The following PPP2R2B variants were observed in gnomAD, a reference collection of about 807,000 sequenced individuals.
The protein encoded by PPP2R2B is protein phosphatase 2 regulatory subunit Bbeta, also known as serine/threonine-protein phosphatase 2A 55 kDa regulatory subunit B beta isoform.
A neutral mutation model predicts 46.0 loss-of-function variants in PPP2R2B; 5 were observed. The ratio of observed to expected loss-of-function variants is 0.11; its 90% CI spans 0.06 to 0.23. PPP2R2B has a LOEUF of 0.23. PPP2R2B is among the 10% of genes least tolerant of loss of function. The pLI is 1.00. For missense variants in PPP2R2B, 367 were observed against 575.0 expected (o/e 0.64, Z 3.70); for synonymous variants, 215 against 206.7 (o/e 1.04, Z -0.34).
intron 2 of PPP2R2B, among the ~76,000 whole-genome samples, chr5:146,711,011 T>C (rs559507467): frequency 1.4e-4 from 22 of 152,368 alleles, no homozygotes; most frequent in African/African-American, 5.3e-4. Context: ...GTGTGACTTC[T>C]TTTAAGCCCA....
intron 2 of PPP2R2B, among the ~76,000 whole-genome samples, chr5:147,078,480 G>A (rs897917643): frequency 1.3e-4 from 20 of 152,062 alleles, no homozygotes; most frequent in Admixed American, 2.6e-4. Context: ...AATTAACTGG[G>A]TAAACTCATT....
chr5:146,707,482 T>C, intron 2 of PPP2R2B: 1 of 746,672 alleles, frequency 1.3e-6, no homozygotes, highest in East Asian at 2.5e-5. Flanking sequence ...TGCTGCCCAC[T>C]CAGGAGAAGC....
intron 5 of PPP2R2B, among the ~76,000 whole-genome samples, chr5:146,677,937 T>C (rs1342989581): frequency 6.6e-6 from 1 of 152,168 alleles, no homozygotes; most frequent in Non-Finnish European, 1.5e-5. Context: ...CCTTTTTAAA[T>C]AAGTGGCAGG....
At chr5:146,743,938 T>C (rs1485951656) in intron 2 of PPP2R2B, among the ~76,000 whole-genome samples, 2 of 152,174 alleles carry the variant, frequency 1.3e-5, no homozygotes, top group African/African-American at 2.4e-5. Flanking sequence ...ACTGACCTTA[T>C]TGATTATTTC....
At chr5:147,058,386 G>A (rs1473549383), upstream of PPP2R2B, among the ~76,000 whole-genome samples, 3 of 152,078 alleles carry the variant, frequency 2.0e-5, no homozygotes, top group Admixed American at 6.6e-5. Flanking sequence ...GGCACTTAGC[G>A]AATACTTTCT....
Position 146,644,010 on chromosome 5 carries a change from T to G in PPP2R2B, c.626-5595A>C, listed in dbSNP as rs1775405447. 2.0e-5 allele frequency among the ~76,000 whole-genome samples: 3 copies of G among 152,120 alleles called. No homozygotes were observed. In the South Asian group the frequency reaches 6.2e-4, roughly 32 times the overall value. On this transcript the variant is annotated intron_variant, in intron 6 of 9. Transcript: ENST00000394411. ...GGTGTGGCTGTGTTCCAACAAAACTTTACTTACAAAAACACTTTGGGATAG... is the reference window on the plus strand; with the variant it reads ...GGTGTGGCTGTGTTCCAACAAAACTGTACTTACAAAAACACTTTGGGATAG...
chr5:146,915,269 C>A (rs763219033), intron 1 of PPP2R2B, among the ~76,000 whole-genome samples: 59 of 152,102 alleles, frequency 3.9e-4, no homozygotes, highest in Admixed American at 1.3e-4. Flanking sequence ...TCATGTCATT[C>A]TTCTACTTAA....
intron 1 of PPP2R2B, among the ~76,000 whole-genome samples, chr5:146,980,419 C>A (rs1582539975): frequency 6.6e-6 from 1 of 152,222 alleles, no homozygotes; most frequent in East Asian, 1.9e-4. Context: ...ACCATCCCTC[C>A]CCTCCCTGCT....
At chr5:146,809,489 G>GA (rs1757392180) in intron 2 of PPP2R2B, among the ~76,000 whole-genome samples, 1 of 151,934 alleles carries the variant, frequency 6.6e-6, no homozygotes, top group Non-Finnish European at 1.5e-5. Flanking sequence ...GGCTGGGAAT[G>GA]AAAAAAATAA....
At chr5:146,607,566 C>T (rs1241651392) in intron 7 of PPP2R2B, 1 of 152,178 alleles carries the variant, frequency 6.6e-6, no homozygotes, top group Admixed American at 6.5e-5. Context: ...TTATATTGGT[C>T]CCTAAGTTTT....
At chr5:147,045,104 T>G (rs1273194001) in intron 1 of PPP2R2B, among the ~76,000 whole-genome samples, 2 of 152,180 alleles carry the variant, frequency 1.3e-5, no homozygotes, top group Admixed American at 1.3e-4. Flanking sequence ...CAGTCACAGA[T>G]AGACATTCAG....
intron 6 of PPP2R2B, among the ~76,000 whole-genome samples, chr5:146,641,834 C>T (rs546190359): frequency 2.0e-5 from 3 of 152,220 alleles, no homozygotes; most frequent in East Asian, 3.9e-4. Flanking sequence ...TGGAATGATG[C>T]ATTTTGACAG....
At chr5:146,948,266 G>A (rs1764547078) in intron 1 of PPP2R2B, among the ~76,000 whole-genome samples, 1 of 151,976 alleles carries the variant, frequency 6.6e-6, no homozygotes, top group African/African-American at 2.4e-5. Flanking sequence ...TTAAACACTG[G>A]CTCTGCTGCT....
At chr5:146,692,509 A>C (rs1257556671) in intron 4 of PPP2R2B, among the ~76,000 whole-genome samples, 4 of 150,404 alleles carry the variant, frequency 2.7e-5, no homozygotes, top group Non-Finnish European at 4.4e-5. Context: ...CGTGCCCTAC[A>C]TGCAGGCTTT....
At chr5:146,736,979 T>A (rs537989572) in intron 2 of PPP2R2B, among the ~76,000 whole-genome samples, 1 of 152,340 alleles carries the variant, frequency 6.6e-6, no homozygotes, top group East Asian at 1.9e-4. Context: ...GTAAAATTAA[T>A]CATATATAGC....
chr5:146,956,184 G>T (rs1751897788), intron 1 of PPP2R2B, among the ~76,000 whole-genome samples: 1 of 151,918 alleles, frequency 6.6e-6, no homozygotes, highest in Non-Finnish European at 1.5e-5. Context: ...TGGGATTAAA[G>T]AAATTAAGTG....
At chr5:146,741,855 C>G (rs1344131219) in intron 2 of PPP2R2B, among the ~76,000 whole-genome samples, 1 of 152,166 alleles carries the variant, frequency 6.6e-6, no homozygotes, top group Non-Finnish European at 1.5e-5. Context: ...TTCAACAAGT[C>G]TGTTTTGACA....
chr5:147,023,928 C>T (rs559166848), intron 1 of PPP2R2B, among the ~76,000 whole-genome samples: 10 of 152,262 alleles, frequency 6.6e-5, no homozygotes, highest in Non-Finnish European at 1.0e-4. Flanking sequence ...CAGGTTCTTG[C>T]GTCTTCATCT....
chr5:146,670,984 G>A (rs1388669429), intron 5 of PPP2R2B, among the ~76,000 whole-genome samples: 2 of 152,126 alleles, frequency 1.3e-5, no homozygotes, highest in Admixed American at 6.5e-5. Flanking sequence ...AAGACAGAGT[G>A]TAAGGTCAGT....
Sources: gnomAD v4.1 joint callset for allele counts (sites outside exome capture counted in the v4.1 genomes callset) on GRCh38, gnomAD v4.1.1 for gene constraint, MANE v1.5 for transcripts, NCBI Gene and HGNC (gene_info 2026-07-23, HGNC 2026-07-21) for gene names.